Variants in RPS6KA3 observed in about 807,000 individuals in gnomAD.
RPS6KA3 encodes ribosomal protein S6 kinase A3.
RPS6KA3 carries 4 observed loss-of-function variants against 67.2 expected under a neutral mutation model. That is an observed-to-expected ratio of 0.06 (90% CI 0.03 to 0.14). The LOEUF (loss-of-function observed/expected upper bound fraction) is 0.14. Ranked by LOEUF, RPS6KA3 falls within the 10% of genes least tolerant of loss-of-function variation. The probability of loss-of-function intolerance (pLI) is 1.00; values close to 1 mark genes in which losing one functional copy is unlikely to be tolerated. For synonymous variants in RPS6KA3, 182 were observed against 183.7 expected (o/e 0.99, Z 0.07); for missense variants, 204 against 559.0 (o/e 0.36, Z 6.40).
intron 2 of RPS6KA3, among the ~76,000 whole-genome samples, chrX:20,219,316 A>G (rs187978374): frequency 1.9e-3 from 209 of 111,659 alleles, no homozygotes; most frequent in African/African-American, 6.4e-3. Context: ...GTGTGTTTAT[A>G]CACACACTCA....
At chrX:20,206,994 C>T (rs1258149643) in intron 3 of RPS6KA3, among the ~76,000 whole-genome samples, 2 of 111,863 alleles carry the variant, frequency 1.8e-5, no homozygotes, top group Non-Finnish European at 3.8e-5. Flanking sequence ...GGCTCCTCAG[C>T]CATCTTAAGA....
chrX:20,208,288 C>G (rs775236411), intron 3 of RPS6KA3, among the ~76,000 whole-genome samples: 19 of 110,714 alleles, frequency 1.7e-4, no homozygotes, highest in Non-Finnish European at 3.2e-4. Flanking sequence ...TTGGGGACCC[C>G]TGGTCTAAAC....
At chrX:20,227,168 C>T (rs1044601207) in intron 2 of RPS6KA3, among the ~76,000 whole-genome samples, 1 of 111,428 alleles carries the variant, frequency 9.0e-6, no homozygotes, top group Admixed American at 9.5e-5. Flanking sequence ...TTCCTGGAGG[C>T]AGCATTCTTG....
intron 1 of RPS6KA3, among the ~76,000 whole-genome samples, chrX:20,247,299 T>C (rs1256492207): frequency 1.8e-5 from 2 of 110,294 alleles, no homozygotes; most frequent in Non-Finnish European, 1.9e-5. Flanking sequence ...TGGTGGCACA[T>C]GTACTCGAGT....
intron 10 of RPS6KA3, among the ~76,000 whole-genome samples, chrX:20,184,002 G>A (rs142827500): frequency 6.3e-5 from 7 of 111,397 alleles, no homozygotes; most frequent in Non-Finnish European, 9.5e-5. Flanking sequence ...TAACATCTTG[G>A]GTACACTGGG....
chrX:20,162,967 G>A lies in RPS6KA3; in HGVS notation c.1838C>T (p.Thr613Ile), dbSNP rs1435847802. 8.8e-7 allele frequency: 1 copy of A among 1,132,010 alleles called. No homozygotes were observed. The highest frequency in any genetic ancestry group is 1.8e-5 in the South Asian group (1 of 55,242). 93.3% of individuals were successfully genotyped at this position (1,132,010 alleles called of 1,213,427 possible). A position where few individuals can be genotyped will look rare whatever the true frequency, so the allele number is the denominator to read the frequency against. ...SLGVLLYTML[T>I]GYTPFANGPD... ...AGAACATATGGTATACACTCACCCG[G>A]TAAGCATTGTATAGAGTAGGACACC... Residue 613 changes from threonine to isoleucine, a missense_variant, in exon 19 of 22, where the codon ACC (threonine) becomes ATC (isoleucine). This residue lies in a region of RPS6KA3 where 73 missense variants were observed against 241.1 expected (regional missense o/e 0.30). Transcript: ENST00000379565.
intron 10 of RPS6KA3, 54 bp downstream of exon 10, chrX:20,186,242 T>C: frequency 1.2e-6 from 1 of 863,511 alleles, no homozygotes; most frequent in Non-Finnish European, 1.7e-6. Context: ...GCGCCCAGCC[T>C]GAAGCATTTA....
chrX:20,159,523 A>G (rs1487212015), intron 20 of RPS6KA3, among the ~76,000 whole-genome samples: 1 of 112,230 alleles, frequency 8.9e-6, no homozygotes, highest in Non-Finnish European at 1.9e-5. Flanking sequence ...TATTAGCAAC[A>G]GTTACTAGTG....
At chrX:20,217,405 AAACT>A (rs2068882666) in intron 2 of RPS6KA3, among the ~76,000 whole-genome samples, 1 of 113,021 alleles carries the variant, frequency 8.8e-6, no homozygotes, top group African/African-American at 3.2e-5. Flanking sequence ...CTAAGAAAAC[AAACT>A]GAGAGATATT....
rs928687911 is a variant in RPS6KA3, at chrX:20,152,690, T to A, written c.*2708A>T. ...GTTGGCCAAGTTTTTCCACTGTATGTCAAAAGCAATGGAAGAGAATAAGAG... is the reference window on the plus strand; with the variant it reads ...GTTGGCCAAGTTTTTCCACTGTATGACAAAAGCAATGGAAGAGAATAAGAG... On this transcript the variant is annotated 3_prime_UTR_variant, in exon 22 of 22. Transcript: ENST00000379565. The A allele has an allele frequency of 2.7e-5, 3 of 112,283 alleles. No individual in the cohort carries two copies. The highest frequency in any genetic ancestry group is 9.7e-5 in the African/African-American group (3 of 30,895). The allele number at this position is 112,283 out of a possible 1,213,427, so 9.3% of individuals were successfully genotyped here.
At chrX:20,187,187 G>C (rs1039879326) in intron 9 of RPS6KA3, among the ~76,000 whole-genome samples, 1 of 111,116 alleles carries the variant, frequency 9.0e-6, no homozygotes, top group Non-Finnish European at 1.9e-5. Context: ...AAAGTGCTGG[G>C]ATTACAGGCG....
intron 10 of RPS6KA3, among the ~76,000 whole-genome samples, chrX:20,185,684 T>G: frequency 8.9e-6 from 1 of 112,037 alleles, no homozygotes; most frequent in South Asian, 3.7e-4. Flanking sequence ...TATACTTTAC[T>G]TTTTTGCTTG....
intron 7 of RPS6KA3, among the ~76,000 whole-genome samples, chrX:20,193,154 C>T (rs762700927): frequency 1.8e-5 from 2 of 110,718 alleles, no homozygotes; most frequent in African/African-American, 3.3e-5. Flanking sequence ...GGCAGGCGCC[C>T]GTAATCCCAG....
At chrX:20,225,770 G>A (rs1194697560) in intron 2 of RPS6KA3, among the ~76,000 whole-genome samples, 1 of 111,855 alleles carries the variant, frequency 8.9e-6, no homozygotes. Context: ...ATGCTCAAAT[G>A]CAAGTTTTAA....
At chrX:20,261,153 A>C (rs749086962) in intron 1 of RPS6KA3, among the ~76,000 whole-genome samples, 56 of 105,622 alleles carry the variant, frequency 5.3e-4, no homozygotes, top group Middle Eastern at 9.6e-3. Context: ...TGGGGGTTAC[A>C]GAGGGGGTGG....
At position 20,244,027 on chromosome X, in the gene RPS6KA3, G is replaced by C. The variant is rs181269936; in HGVS notation, c.70-9213C>G. 9.6e-4 allele frequency among the ~76,000 whole-genome samples: 107 copies of C among 111,816 alleles called. 1 individual carries two copies. The highest frequency in any genetic ancestry group is 3.1e-3 in the African/African-American group (97 of 30,810). ...GAATATAACATAAACTAAATGGAAA[G>C]AAAATGGATGGGAAAATTTTAGTGC... On this transcript the variant is annotated intron_variant, in intron 1 of 21. Coordinates refer to ENST00000379565, the MANE Select transcript of RPS6KA3 (RefSeq NM_004586.3).
chrX:20,237,891 T>G (rs1366037196), intron 1 of RPS6KA3, among the ~76,000 whole-genome samples: 1 of 111,612 alleles, frequency 9.0e-6, no homozygotes, highest in Non-Finnish European at 1.9e-5. Context: ...AAGAATGTAC[T>G]ACCTCACTAG....
intron 2 of RPS6KA3, among the ~76,000 whole-genome samples, chrX:20,224,575 A>G (rs2069064842): frequency 1.8e-5 from 2 of 111,934 alleles, no homozygotes; most frequent in Non-Finnish European, 3.8e-5. Flanking sequence ...GATTTAATTT[A>G]TAAGGATTTC....
chrX:20,157,840 G>A (rs760492572), intron 20 of RPS6KA3, among the ~76,000 whole-genome samples: 10 of 111,451 alleles, frequency 9.0e-5, no homozygotes, highest in Non-Finnish European at 1.3e-4. Flanking sequence ...TAAGGAACTG[G>A]CAGCAGTACA....
Sources: allele counts gnomAD v4.1 joint callset (sites outside exome capture counted in the v4.1 genomes callset), GRCh38; gene constraint gnomAD v4.1.1; regional missense constraint gnomAD v4.1.1; transcripts MANE v1.5; gene names NCBI Gene and HGNC (gene_info 2026-07-23, HGNC 2026-07-21).